The following CUL3 variants were observed in gnomAD, a reference collection of about 807,000 sequenced individuals.
CUL3 encodes cullin-3.
Under a neutral mutation model 89.1 loss-of-function variants are expected in CUL3, and 19 were observed. That is an observed-to-expected ratio of 0.21 (90% CI 0.15 to 0.31). CUL3 has a LOEUF of 0.31. Among genes scored for constraint, CUL3 ranks in the 10% least tolerant of loss-of-function variants. The probability of loss-of-function intolerance (pLI) is 1.00; values close to 1 mark genes in which losing one functional copy is unlikely to be tolerated. For synonymous variants in CUL3, 351 were observed against 308.4 expected, an observed-to-expected ratio of 1.14 and a Z score of -1.45; for missense variants, 469 against 942.3, an observed-to-expected ratio of 0.50 and a Z score of 6.58.
intron 2 of CUL3, among the ~76,000 whole-genome samples, chr2:224,542,219 A>T (rs1021865321): frequency 7.2e-5 from 11 of 152,254 alleles, no homozygotes; most frequent in Admixed American, 1.3e-4. Context: ...ACTCTGCAAC[A>T]ATTCAAACTT....
chr2:224,515,155 A>G (rs1692993507), intron 3 of CUL3, among the ~76,000 whole-genome samples: 1 of 152,248 alleles, frequency 6.6e-6, no homozygotes, highest in East Asian at 1.9e-4. Flanking sequence ...TCTTTGAAGT[A>G]AAACTGAGAG....
intron 12 of CUL3, among the ~76,000 whole-genome samples, chr2:224,496,215 GA>G (rs1692166613): frequency 2.6e-5 from 4 of 152,128 alleles, no homozygotes; most frequent in African/African-American, 9.7e-5. Flanking sequence ...ATTTTTTGTA[GA>G]AACGGGGTTT....
intron 1 of CUL3, among the ~76,000 whole-genome samples, chr2:224,578,530 T>C (rs988647465): frequency 4.6e-5 from 7 of 152,150 alleles, no homozygotes; most frequent in Admixed American, 3.3e-4. Context: ...GGAATATACA[T>C]CATTGTTATA....
intron 1 of CUL3, among the ~76,000 whole-genome samples, chr2:224,573,348 G>A (rs1695229227): frequency 6.6e-6 from 1 of 152,100 alleles, no homozygotes; most frequent in African/African-American, 2.4e-5. Context: ...CTCATAAATA[G>A]GTCAACTAGT....
chr2:224,519,259 G>A (rs537998585), intron 3 of CUL3, among the ~76,000 whole-genome samples: 4 of 152,244 alleles, frequency 2.6e-5, no homozygotes, highest in African/African-American at 7.2e-5. Context: ...AAACATAAAT[G>A]AATTTTATGT....
chr2:224,571,586 T>C (rs1695181880), intron 1 of CUL3, among the ~76,000 whole-genome samples: 1 of 150,756 alleles, frequency 6.6e-6, no homozygotes, highest in African/African-American at 2.5e-5. Flanking sequence ...AAAAGGTCTA[T>C]GACACAAAAT....
chr2:224,494,356 AC>A (rs1425306329), intron 13 of CUL3, among the ~76,000 whole-genome samples: 1 of 152,186 alleles, frequency 6.6e-6, no homozygotes, highest in African/African-American at 2.4e-5. Flanking sequence ...CTTCATTTTA[AC>A]CCCAAAACAC....
chr2:224,528,398 C>T lies in CUL3; in HGVS notation c.378+7130G>A, dbSNP rs1226546291. Among the ~76,000 whole-genome samples, 6 of 152,188 alleles carry T rather than the reference C, an allele frequency of 3.9e-5. No homozygotes were observed. The East Asian group carries it at 5.8e-4, about 15-fold the overall frequency. ...TCTCTGGTAAGAACCAGTATGATTACATCAGGCCCAGGGGAACAGCCCAGG... is the reference window on the plus strand; with the variant it reads ...TCTCTGGTAAGAACCAGTATGATTATATCAGGCCCAGGGGAACAGCCCAGG... On this transcript the variant is annotated intron_variant, in intron 3 of 15. Transcript: ENST00000264414.
chr2:224,540,603 T>C (rs1276671480), intron 2 of CUL3, among the ~76,000 whole-genome samples: 1 of 152,230 alleles, frequency 6.6e-6, no homozygotes, highest in East Asian at 1.9e-4. Flanking sequence ...CTCTTCCCTT[T>C]GCAGAACTTC....
intron 2 of CUL3, chr2:224,556,190 G>T (rs1027377873): frequency 7.9e-5 from 12 of 152,066 alleles, no homozygotes; most frequent in African/African-American, 2.9e-4. Context: ...ATCATCAATG[G>T]ATGCTAAAAC....
chr2:224,484,576 G>A (rs529828361), intron 13 of CUL3, among the ~76,000 whole-genome samples: 114 of 152,144 alleles, frequency 7.5e-4, no homozygotes, highest in Middle Eastern at 6.8e-3. Context: ...TATCACTTAT[G>A]TGGTTAAATC....
chr2:224,478,160 C>A, intron 15 of CUL3, 40 bp downstream of exon 15: 1 of 1,512,590 alleles, frequency 6.6e-7, no homozygotes, highest in Non-Finnish European at 8.9e-7. Flanking sequence ...AATAATGTTA[C>A]TGTTTTTTCT....
rs1419189693 is a variant in CUL3 at position 224,473,966 on chromosome 2, C to T, written c.*279G>A. On this transcript the variant is annotated 3_prime_UTR_variant, in exon 16 of 16. Transcript: ENST00000264414. Reference sequence around the variant, plus strand: ...ATTTTCTAAATTTCTCTTTTATTTTCCTGTTTTCATACAGTAAAGAAAACA... The same window carrying T: ...ATTTTCTAAATTTCTCTTTTATTTTTCTGTTTTCATACAGTAAAGAAAACA... 1.8e-5 allele frequency: 5 copies of T among 273,708 alleles called. No homozygotes were observed. Among genetic ancestry groups the T allele is most frequent in the Non-Finnish European group, 2.8e-5 (4 of 145,142 alleles). The allele number at this position is 273,708 out of a possible 1,614,324, so 17.0% of individuals were successfully genotyped here. A position where few individuals can be genotyped will look rare whatever the true frequency, so the allele number is the denominator to read the frequency against.
intron 1 of CUL3, among the ~76,000 whole-genome samples, chr2:224,580,310 G>C (rs77743020): frequency 0.011 from 1,704 of 152,270 alleles, 30 homozygotes; most frequent in African/African-American, 0.039. Context: ...TCTAGGAAAA[G>C]GTCTATTTAA....
At chr2:224,580,445 TA>T (rs1245698206) in intron 1 of CUL3, among the ~76,000 whole-genome samples, 1 of 152,166 alleles carries the variant, frequency 6.6e-6, no homozygotes, top group Non-Finnish European at 1.5e-5. Context: ...GCACTTTGCG[TA>T]ACAGCGGTGG....
intron 3 of CUL3, among the ~76,000 whole-genome samples, chr2:224,531,088 CTTTT>C (rs36035608): frequency 1.5e-5 from 2 of 137,012 alleles, no homozygotes; most frequent in East Asian, 2.1e-4. Context: ...CTAAAATAGC[CTTTT>C]TTTTTTTTTT....
chr2:224,527,800 G>A (rs1038590097), intron 3 of CUL3, among the ~76,000 whole-genome samples: 9 of 152,016 alleles, frequency 5.9e-5, no homozygotes, highest in African/African-American at 2.2e-4. Flanking sequence ...TGGACCATAT[G>A]AGATTCACTT....
chr2:224,512,778 G>A (rs1372661280), intron 5 of CUL3, among the ~76,000 whole-genome samples: 1 of 152,188 alleles, frequency 6.6e-6, no homozygotes, highest in Non-Finnish European at 1.5e-5. Context: ...GTGATGTACT[G>A]CTGTGAATTT....
At chr2:224,500,517 C>T (rs1208129468) in intron 10 of CUL3, 30 bp from the exon 11 acceptor site, 1 of 1,606,864 alleles carries the variant, frequency 6.2e-7, no homozygotes, top group Non-Finnish European at 8.5e-7. Context: ...ATATTCCCCT[C>T]AAAATTAACT....
Sources: gnomAD v4.1 joint callset for allele counts (sites outside exome capture counted in the v4.1 genomes callset) on GRCh38, gnomAD v4.1.1 for gene constraint, MANE v1.5 for transcripts, NCBI Gene and HGNC (gene_info 2026-07-23, HGNC 2026-07-21) for gene names.